BMPR2: variants seen among roughly 807,000 people sequenced by gnomAD.
The protein encoded by BMPR2 is bone morphogenetic protein receptor type 2.
Under a neutral mutation model 100.8 loss-of-function variants are expected in BMPR2, and 29 were observed. The observed-to-expected ratio is 0.29, with a 90% CI of 0.21 to 0.39. BMPR2 has a LOEUF of 0.39. Among genes scored for constraint, BMPR2 ranks in the 10% least tolerant of loss-of-function variants. The pLI is 1.00. For missense variants in BMPR2, 1,011 were observed against 1,274.5 expected (o/e 0.79, Z 3.15); for synonymous variants, 382 against 442.3 (o/e 0.86, Z 1.71).
intron 3 of BMPR2, among the ~76,000 whole-genome samples, chr2:202,486,152 T>C (rs1417554014): frequency 6.6e-6 from 1 of 152,102 alleles, no homozygotes; most frequent in Non-Finnish European, 1.5e-5. Context: ...GGAGGAGGAA[T>C]GCTTGTCTTA....
intron 3 of BMPR2, among the ~76,000 whole-genome samples, chr2:202,480,215 C>G (rs111790163): frequency 0.11 from 16,704 of 152,112 alleles, 1,080 homozygotes; most frequent in Non-Finnish European, 0.14. Flanking sequence ...TCACTGCAAC[C>G]TCCACCTCTT....
intron 1 of BMPR2, among the ~76,000 whole-genome samples, chr2:202,458,614 T>A (rs1416433091): frequency 6.6e-6 from 1 of 152,222 alleles, no homozygotes; most frequent in Non-Finnish European, 1.5e-5. Flanking sequence ...AACAGATCTT[T>A]AGAATAGATG....
intron 1 of BMPR2, among the ~76,000 whole-genome samples, chr2:202,383,185 C>G (rs1345581096): frequency 2.0e-5 from 3 of 152,182 alleles, no homozygotes; most frequent in African/African-American, 7.2e-5. Flanking sequence ...AATCCTGGCA[C>G]TTGGGGAGGC....
chr2:202,536,660 G>T (rs1688164755), intron 9 of BMPR2, among the ~76,000 whole-genome samples: 1 of 151,932 alleles, frequency 6.6e-6, no homozygotes, highest in South Asian at 2.1e-4. Context: ...ATCACCTGAG[G>T]TCGGGAGTTC....
rs531683984 is a variant in BMPR2, at chr2:202,410,338, G to T, written c.76+32788G>T. Among the ~76,000 whole-genome samples, 20 of 152,202 alleles carry T rather than the reference G, an allele frequency of 1.3e-4. No homozygotes were observed. In the South Asian group the frequency reaches 3.9e-3, roughly 30 times the overall value. On this transcript the variant is annotated intron_variant, in intron 1 of 12. Coordinates refer to ENST00000374580, the MANE Select transcript of BMPR2 (RefSeq NM_001204.7). ...CCACTAATAAGAACCCTTGAGAAAT[G>T]ACTGATTCCAGGACTGAGGCAGGGA...
At chr2:202,414,842 C>G (rs1220820904) in intron 1 of BMPR2, among the ~76,000 whole-genome samples, 2 of 152,066 alleles carry the variant, frequency 1.3e-5, no homozygotes, top group Non-Finnish European at 2.9e-5. Flanking sequence ...TGGGTTCAAG[C>G]AATTCTCCTG....
At chr2:202,388,435 A>G (rs1690479116) in intron 1 of BMPR2, among the ~76,000 whole-genome samples, 1 of 145,820 alleles carries the variant, frequency 6.9e-6, no homozygotes, top group South Asian at 2.2e-4. Flanking sequence ...GTTTGTCCAT[A>G]TACTTAGGTT....
rs1017641770 is a variant in BMPR2, at chr2:202,464,186, T to G, written c.77-623T>G. Among the ~76,000 whole-genome samples, 7 of 148,920 alleles carry G rather than the reference T, an allele frequency of 4.7e-5. No homozygotes were observed. In the East Asian group the frequency reaches 9.7e-4, roughly 21 times the overall value. The stretch of plus-strand genomic sequence containing the variant: ...AAAAAAAAAAAAAAAAAAAAAGAAT[T>G]TTTTTTTATTGAAGTATAATTTATA... On this transcript the variant is annotated intron_variant, in intron 1 of 12. Transcript: ENST00000374580.
intron 3 of BMPR2, among the ~76,000 whole-genome samples, chr2:202,483,351 G>C (rs1692699014): frequency 6.6e-6 from 1 of 150,402 alleles, no homozygotes; most frequent in South Asian, 2.1e-4. Flanking sequence ...TTTTATTTTT[G>C]TTTTTGTTTG....
rs1687560294 is a variant in BMPR2, at chr2:202,508,104, TA to T, written c.419-5614del. 5.4e-5 allele frequency among the ~76,000 whole-genome samples: 8 copies of T among 149,360 alleles called. No individual in the cohort carries two copies. In the South Asian group the frequency reaches 6.3e-4, roughly 12 times the overall value. On this transcript the variant is annotated intron_variant, in intron 3 of 12. Coordinates refer to ENST00000374580, the MANE Select transcript of BMPR2 (RefSeq NM_001204.7). ...TTATTATTATTATTATTATTATTAT[TA>T]TTATTATTTTTGAGTCTCAGTCTGT...
chr2:202,409,412 C>T (rs1209886823), intron 1 of BMPR2, among the ~76,000 whole-genome samples: 1 of 151,990 alleles, frequency 6.6e-6, no homozygotes, highest in African/African-American at 2.4e-5. Context: ...AAAAACCCCA[C>T]AGGTATATGA....
Position 202,495,525 on chromosome 2 carries a change from C to A in BMPR2, c.419-18194C>A, listed in dbSNP as rs6751385. Among the ~76,000 whole-genome samples the A allele has an allele frequency of 1.6e-4, 25 of 152,200 alleles. No individual in the cohort carries two copies. Among genetic ancestry groups the A allele is most frequent in the East Asian group, 1.5e-3 (8 of 5,180 alleles). On this transcript the variant is annotated intron_variant, in intron 3 of 12. Transcript: ENST00000374580. This position sits in a 1 kb window ranked among gnomAD's most constrained non-coding sequence, Gnocchi z 4.5. ...CCTGTGTGTCTGCCTGCTAGGGTCTCGGGTTTTTATAGGCCCAGGATGGGG... is the reference window on the plus strand; with the variant it reads ...CCTGTGTGTCTGCCTGCTAGGGTCTAGGGTTTTTATAGGCCCAGGATGGGG...
chr2:202,493,507 A>G (rs1270879148), intron 3 of BMPR2, among the ~76,000 whole-genome samples: 1 of 152,124 alleles, frequency 6.6e-6, no homozygotes, highest in Non-Finnish European at 1.5e-5. Flanking sequence ...TATTTTTAAA[A>G]TTCCTAGTCT....
At chr2:202,517,145 G>A (rs35348956) in intron 5 of BMPR2, among the ~76,000 whole-genome samples, 2 of 151,362 alleles carry the variant, frequency 1.3e-5, no homozygotes, top group Non-Finnish European at 2.9e-5. Context: ...ACTTGAACCC[G>A]GGAAACGGAG....
rs1172617261 is a variant in BMPR2, at chr2:202,434,879, C to CAAA, written c.77-29902_77-29900dup. On this transcript the variant is annotated intron_variant, in intron 1 of 12. Coordinates refer to ENST00000374580, the MANE Select transcript of BMPR2 (RefSeq NM_001204.7). ...CTGGTGACACAGTGAGACTCTGTCT[C>CAAA]AAAAAAAAAAAAAAAAAAAAAAAAA... 6.3e-4 allele frequency among the ~76,000 whole-genome samples: 31 copies of CAAA among 48,914 alleles called. 2 individuals are homozygous for CAAA. Among genetic ancestry groups the CAAA allele is most frequent in the Non-Finnish European group, 7.9e-4 (24 of 30,326 alleles). The allele number at this position is 48,914 out of a possible 152,430, so 32.1% of individuals were successfully genotyped here.
intron 1 of BMPR2, among the ~76,000 whole-genome samples, chr2:202,423,740 T>TAA (rs1013450064): frequency 2.0e-5 from 3 of 151,898 alleles, no homozygotes; most frequent in African/African-American, 7.3e-5. Context: ...GGCAATAGCA[T>TAA]AAGACCTCCT....
In BMPR2 at chr2:202,562,929, A is replaced by G. The variant is rs2105718676; in HGVS notation, c.*2983A>G. The G allele has an allele frequency of 6.6e-6, 1 of 152,358 alleles. No individual in the cohort carries two copies. Among genetic ancestry groups the G allele is most frequent in the East Asian group, 1.9e-4 (1 of 5,190 alleles). 9.4% of individuals were successfully genotyped at this position (152,358 alleles called of 1,614,324 possible). On this transcript the variant is annotated 3_prime_UTR_variant, in exon 13 of 13. Transcript: ENST00000374580. ...ACATATGCTATTTCTCTTAAACCTC[A>G]GAGCAACCATATGAGCATTGTAATT...
intron 10 of BMPR2, among the ~76,000 whole-genome samples, chr2:202,550,477 CAA>C (rs980041296): frequency 1.3e-5 from 2 of 151,992 alleles, no homozygotes; most frequent in African/African-American, 4.8e-5. Context: ...TGCAGCCTTC[CAA>C]AGTCCTGGGA....
chr2:202,424,070 C>CAAAAA (rs773518674), intron 1 of BMPR2, among the ~76,000 whole-genome samples: 2 of 58,754 alleles, frequency 3.4e-5, no homozygotes, highest in Admixed American at 2.3e-4. Context: ...AAGACTGTCT[C>CAAAAA]AAAAAAAAAA....
Sources: gnomAD v4.1 joint callset for allele counts (sites outside exome capture counted in the v4.1 genomes callset) on GRCh38, gnomAD v4.1.1 for gene constraint, Gnocchi (gnomAD v3.1) non-coding constraint, MANE v1.5 for transcripts, NCBI Gene and HGNC (gene_info 2026-07-23, HGNC 2026-07-21) for gene names.